SSBP3: variants seen among roughly 807,000 people sequenced by gnomAD.
SSBP3 encodes single-stranded DNA-binding protein 3.
In SSBP3, 5 loss-of-function variants were observed where a neutral mutation model predicts 69.6. That is an observed-to-expected ratio of 0.07 (90% CI 0.04 to 0.15). The LOEUF is 0.15. SSBP3 is among the 10% of genes least tolerant of loss of function. The pLI is 1.00. For missense variants in SSBP3, 312 were observed against 534.0 expected (o/e 0.58, Z 4.10); for synonymous variants, 196 against 193.4 (o/e 1.01, Z -0.11).
intron 4 of SSBP3, 71 bp from the exon 5 acceptor site, chr1:54,281,598 A>T: frequency 1.4e-6 from 2 of 1,401,654 alleles, no homozygotes; most frequent in Non-Finnish European, 2.0e-6. Flanking sequence ...TGACCCCTGG[A>T]CTTGGCTCTC....
chr1:54,329,766 T>C (rs1436473583), intron 4 of SSBP3, among the ~76,000 whole-genome samples: 2 of 152,062 alleles, frequency 1.3e-5, no homozygotes, highest in African/African-American at 4.8e-5. Context: ...AAATGTTCAA[T>C]ACAAAACAGC....
chr1:54,228,768 T>C (rs1264572474), exon 15 of SSBP3: 3 of 1,607,846 alleles, frequency 1.9e-6, no homozygotes, highest in African/African-American at 1.3e-5. Context: ...ATTCATGTGG[T>C]GTGGCTCCAT....
chr1:54,279,604 T>C (rs1383898883), intron 5 of SSBP3, among the ~76,000 whole-genome samples: 2 of 152,244 alleles, frequency 1.3e-5, no homozygotes, highest in African/African-American at 4.8e-5. Context: ...GGTACCTCGG[T>C]GGGTCCACCA....
intron 4 of SSBP3, among the ~76,000 whole-genome samples, chr1:54,297,167 G>C (rs1330555645): frequency 6.6e-6 from 1 of 152,226 alleles, no homozygotes; most frequent in East Asian, 1.9e-4. Context: ...GAAGATTTAA[G>C]TAATGGAAGG....
intron 4 of SSBP3, among the ~76,000 whole-genome samples, chr1:54,348,947 G>A (rs914967164): frequency 6.6e-6 from 1 of 152,208 alleles, no homozygotes; most frequent in Non-Finnish European, 1.5e-5. Flanking sequence ...GTCTTGTTGA[G>A]AGCCAGAACC....
intron 14 of SSBP3, among the ~76,000 whole-genome samples, chr1:54,230,255 T>G (rs1427357446): frequency 2.0e-5 from 3 of 152,216 alleles, no homozygotes; most frequent in African/African-American, 4.8e-5. Context: ...CACAGGCTTT[T>G]GGGCACATTT....
At chr1:54,293,139 G>A (rs1251053045) in intron 4 of SSBP3, among the ~76,000 whole-genome samples, 1 of 152,162 alleles carries the variant, frequency 6.6e-6, no homozygotes, top group Non-Finnish European at 1.5e-5. Flanking sequence ...GCAAGGCGGG[G>A]CTGCCACTTC....
chr1:54,234,156 G>C (rs1029845203), intron 14 of SSBP3, among the ~76,000 whole-genome samples: 4 of 151,476 alleles, frequency 2.6e-5, no homozygotes, highest in Admixed American at 6.6e-5. Flanking sequence ...CAGCATGCTC[G>C]TTAAGAGTCG....
At chr1:54,309,921 GC>G (rs1645969197) in intron 4 of SSBP3, among the ~76,000 whole-genome samples, 1 of 152,082 alleles carries the variant, frequency 6.6e-6, no homozygotes. Flanking sequence ...TGCTCTTGTT[GC>G]TCGGATGTTG....
intron 5 of SSBP3, among the ~76,000 whole-genome samples, chr1:54,262,947 A>G (rs1317134070): frequency 1.3e-5 from 2 of 152,196 alleles, no homozygotes; most frequent in Admixed American, 1.3e-4. Context: ...TGGACTCGCT[A>G]TTCCATCTCA....
chr1:54,406,734 G>C (rs940220075), upstream of SSBP3, among the ~76,000 whole-genome samples: 11 of 152,080 alleles, frequency 7.2e-5, no homozygotes, highest in African/African-American at 2.6e-4. Flanking sequence ...GTGGACCACT[G>C]GGGGGCTAGG....
chr1:54,301,771 C>T (rs967230738), intron 4 of SSBP3, among the ~76,000 whole-genome samples: 3 of 152,186 alleles, frequency 2.0e-5, no homozygotes, highest in African/African-American at 7.2e-5. Flanking sequence ...CCACCACCAC[C>T]CTAGGTTCCG....
At chr1:54,311,143 G>A (rs1315021403) in intron 4 of SSBP3, among the ~76,000 whole-genome samples, 1 of 152,194 alleles carries the variant, frequency 6.6e-6, no homozygotes, top group Non-Finnish European at 1.5e-5. Flanking sequence ...GACACATCAT[G>A]GGGAGAGAAC....
intron 4 of SSBP3, among the ~76,000 whole-genome samples, chr1:54,312,153 G>A (rs1199181005): frequency 6.6e-6 from 1 of 152,198 alleles, no homozygotes; most frequent in Non-Finnish European, 1.5e-5. Flanking sequence ...GCAGTGGCCA[G>A]GCACAATGGC....
intron 4 of SSBP3, among the ~76,000 whole-genome samples, chr1:54,285,758 C>T (rs1004517340): frequency 6.6e-6 from 1 of 152,128 alleles, no homozygotes; most frequent in Admixed American, 6.5e-5. Flanking sequence ...CCCTGAAAAC[C>T]CCCATTATTC....
intron 1 of SSBP3, among the ~76,000 whole-genome samples, chr1:54,411,443 A>C (rs1371631759): frequency 2.0e-5 from 3 of 149,326 alleles, no homozygotes; most frequent in Admixed American, 6.8e-5. Context: ...GCACCACTGC[A>C]CTCCATCATG....
At chr1:54,362,959 G>A in intron 4 of SSBP3, among the ~76,000 whole-genome samples, 1 of 152,204 alleles carries the variant, frequency 6.6e-6, no homozygotes, top group Non-Finnish European at 1.5e-5. Flanking sequence ...TGTCTCACGG[G>A]GGGCGGGGCA....
chr1:54,245,264 T>A (rs1423285217), intron 9 of SSBP3, among the ~76,000 whole-genome samples: 1 of 86,940 alleles, frequency 1.2e-5, no homozygotes, highest in Non-Finnish European at 2.2e-5. Context: ...AGGCTGGGAT[T>A]GTTCCCACTT....
At chr1:54,241,015 G>A in intron 12 of SSBP3, 56 bp from the exon 13 acceptor site, 2 of 1,557,054 alleles carry the variant, frequency 1.3e-6, no homozygotes, top group Admixed American at 1.8e-5. Flanking sequence ...AACATGGGGA[G>A]GGGCCGGCAT....
Sources: gnomAD v4.1 joint callset for allele counts (sites outside exome capture counted in the v4.1 genomes callset) on GRCh38, gnomAD v4.1.1 for gene constraint, MANE v1.5 for transcripts, NCBI Gene and HGNC (gene_info 2026-07-23, HGNC 2026-07-21) for gene names.